C8orf82: variants seen among roughly 807,000 people sequenced by gnomAD.
C8orf82 encodes UPF0598 protein C8orf82.
In C8orf82, 24 loss-of-function variants were observed where a neutral mutation model predicts 15.0. That is an observed-to-expected ratio of 1.60 (90% CI 1.16 to 2.24). C8orf82 has a LOEUF of 2.24. Among genes scored for constraint, C8orf82 ranks in the 30% most tolerant of loss-of-function variants. The pLI is 0.00. For missense variants in C8orf82, 388 were observed against 317.4 expected (o/e 1.22, Z -1.69); for synonymous variants, 205 against 152.2 (o/e 1.35, Z -2.55).
In C8orf82 at chr8:144,526,183, T is replaced by C. The variant is rs942917439; in HGVS notation, c.*1159A>G. On this transcript the variant is annotated 3_prime_UTR_variant, in exon 3 of 3. Transcript: ENST00000524821. The stretch of plus-strand genomic sequence containing the variant: ...GGTGTTTAAATCTTGCCCTAAATTG[T>C]AACTCACATGATTATTTAAAGTCAC... The C allele has an allele frequency of 4.6e-5, 7 of 152,248 alleles. No homozygotes were observed. The highest frequency in any genetic ancestry group is 1.3e-4 in the Admixed American group (2 of 15,284). The allele number at this position is 152,248 out of a possible 1,614,324, so 9.4% of individuals were successfully genotyped here.
In C8orf82 at chr8:144,526,137, G is replaced by C. The variant is rs1332841970; in HGVS notation, c.*1205C>G. 1 of 152,194 alleles carries C rather than the reference G, an allele frequency of 6.6e-6. No individual in the cohort carries two copies. Among genetic ancestry groups the C allele is most frequent in the Non-Finnish European group, 1.5e-5 (1 of 68,040 alleles). The allele number at this position is 152,194 out of a possible 1,614,324, so 9.4% of individuals were successfully genotyped here. A position where few individuals can be genotyped will look rare whatever the true frequency, so the allele number is the denominator to read the frequency against. ...TTCCTCCTTTCGAGTCATGTGGAAA[G>C]GGACAGGACCAAGTGGCCTTGGTGT... On this transcript the variant is annotated 3_prime_UTR_variant, in exon 3 of 3. Transcript: ENST00000524821.
At chr8:144,528,521 T>A (rs1028842701) in intron 1 of C8orf82, 1 of 1,396,590 alleles carries the variant, frequency 7.2e-7, no homozygotes, top group Non-Finnish European at 9.4e-7. Flanking sequence ...ACGCGGCCCA[T>A]GTAGGAGCCT....
At position 144,527,151 on chromosome 8, in the gene C8orf82, C is replaced by A; in HGVS notation, c.*191G>T. ...AGTCGGGTGCGCGGGGGGCGCGCGC[C>A]GTGGGGAGCGGGGTGTCCGGGAGGG... On this transcript the variant is annotated 3_prime_UTR_variant, in exon 3 of 3. Coordinates refer to ENST00000524821, the MANE Select transcript of C8orf82 (RefSeq NM_001001795.2). The A allele has an allele frequency of 7.6e-6, 2 of 261,948 alleles. No homozygotes were observed. The highest frequency in any genetic ancestry group is 6.6e-6 in the Non-Finnish European group (1 of 152,062). 16.2% of individuals were successfully genotyped at this position (261,948 alleles called of 1,614,324 possible).
At chr8:144,528,416 A>T in intron 1 of C8orf82, 1 of 1,489,296 alleles carries the variant, frequency 6.7e-7, no homozygotes, top group Non-Finnish European at 9.0e-7. Context: ...AAAAAAAGGC[A>T]GGGCGGCCCG....
Position 144,529,011 on chromosome 8 carries a change from GGC to G in C8orf82, c.-97_-96del, listed in dbSNP as rs1436006051. ...GCAGTAGCCCCGCGCTTCGCGTTCC[GGC>G]GGCGCCCGCCTCCGCGACCCGGGCC... On this transcript the variant is annotated 5_prime_UTR_variant, in exon 1 of 3. Coordinates refer to ENST00000524821, the MANE Select transcript of C8orf82 (RefSeq NM_001001795.2). 2 of 1,279,986 alleles carry G rather than the reference GGC, an allele frequency of 1.6e-6. No homozygotes were observed. Among genetic ancestry groups the G allele is most frequent in the African/African-American group, 3.2e-5 (2 of 63,300 alleles). The allele number at this position is 1,279,986 out of a possible 1,614,324, so 79.3% of individuals were successfully genotyped here. A position where few individuals can be genotyped will look rare whatever the true frequency, so the allele number is the denominator to read the frequency against.
At chr8:144,527,911 A>T in intron 2 of C8orf82, 113 bp downstream of exon 2, 1 of 1,499,946 alleles carries the variant, frequency 6.7e-7, no homozygotes, top group South Asian at 1.1e-5. Flanking sequence ...GGGGCTCCTG[A>T]GCGCAGGACG....
chr8:144,528,722 C>T (rs1231213948), intron 1 of C8orf82, 39 bp downstream of exon 1: 6 of 1,057,342 alleles, frequency 5.7e-6, no homozygotes, highest in Admixed American at 4.7e-5. Flanking sequence ...AGACCTCTCC[C>T]GGCCCCGCCT....
Position 144,525,764 on chromosome 8 carries a change from C to T in C8orf82, c.*1578G>A, listed in dbSNP as rs879038398. Reference sequence around the variant, plus strand: ...CCATGCCGGTCCCCAGAAAGGTGTCCTGTCTTTGGGGATAGATGGGGCCCT... The same window carrying T: ...CCATGCCGGTCCCCAGAAAGGTGTCTTGTCTTTGGGGATAGATGGGGCCCT... On this transcript the variant is annotated 3_prime_UTR_variant, in exon 3 of 3. Coordinates refer to ENST00000524821, the MANE Select transcript of C8orf82 (RefSeq NM_001001795.2). 6.6e-6 allele frequency: 1 copy of T among 152,114 alleles called. No homozygotes were observed. The highest frequency in any genetic ancestry group is 2.1e-4 in the South Asian group (1 of 4,826). 9.4% of individuals were successfully genotyped at this position (152,114 alleles called of 1,614,324 possible).
Position 144,525,941 on chromosome 8 carries a change from G to T in C8orf82, c.*1401C>A, listed in dbSNP as rs556162094. On this transcript the variant is annotated 3_prime_UTR_variant, in exon 3 of 3. Transcript: ENST00000524821. The stretch of plus-strand genomic sequence containing the variant: ...ACCATATACATGTACTTGTCGTAAA[G>T]AAATGGGAAGGCTGGGGTCTGGTTT... 1 of 152,320 alleles carries T rather than the reference G, an allele frequency of 6.6e-6. No individual in the cohort carries two copies. Among genetic ancestry groups the T allele is most frequent in the African/African-American group, 2.4e-5 (1 of 41,564 alleles). The allele number at this position is 152,320 out of a possible 1,614,324, so 9.4% of individuals were successfully genotyped here. A position where few individuals can be genotyped will look rare whatever the true frequency, so the allele number is the denominator to read the frequency against.
rs1586858900 is a variant in C8orf82 at position 144,526,725 on chromosome 8, CCCTTGCGCA to C, written c.*608_*616del. Reference sequence around the variant, plus strand: ...GAGGCCCAAGCTGGTCTTTGGGCGGCCCTTGCGCACCTCTGCAGCGCTGCGACCTGGTGC... The same window carrying C: ...GAGGCCCAAGCTGGTCTTTGGGCGGCCCTCTGCAGCGCTGCGACCTGGTGC... On this transcript the variant is annotated 3_prime_UTR_variant, in exon 3 of 3. Coordinates refer to ENST00000524821, the MANE Select transcript of C8orf82 (RefSeq NM_001001795.2). 2 of 152,290 alleles carry C rather than the reference CCCTTGCGCA, an allele frequency of 1.3e-5. No individual in the cohort carries two copies. Among genetic ancestry groups the C allele is most frequent in the African/African-American group, 4.8e-5 (2 of 41,462 alleles). 9.4% of individuals were successfully genotyped at this position (152,290 alleles called of 1,614,324 possible).
chr8:144,527,332 T>G lies in C8orf82; in HGVS notation c.*10A>C. On this transcript the variant is annotated 3_prime_UTR_variant, in exon 3 of 3. Transcript: ENST00000524821. The stretch of plus-strand genomic sequence containing the variant: ...GCGCCCGCGGCCTCCCGCCTTTCCC[T>G]TGGCCCCGCTCAGGGCGACCGAGCC... 2 of 1,171,348 alleles carry G rather than the reference T, an allele frequency of 1.7e-6. No homozygotes were observed. Among genetic ancestry groups the G allele is most frequent in the South Asian group, 7.0e-5 (2 of 28,754 alleles). The allele number at this position is 1,171,348 out of a possible 1,614,324, so 72.6% of individuals were successfully genotyped here.
At chr8:144,528,538 G>T (rs1015294766) in intron 1 of C8orf82, 1 of 1,358,124 alleles carries the variant, frequency 7.4e-7, no homozygotes, top group East Asian at 2.8e-5. Context: ...GCCTCGGCCC[G>T]GACCGACCCA....
At chr8:144,528,324 T>C in intron 1 of C8orf82, 1 of 1,507,902 alleles carries the variant, frequency 6.6e-7, no homozygotes, top group African/African-American at 1.4e-5. Flanking sequence ...TTCAAGTTTG[T>C]AATCAGTTGT....
rs1446539779 is a variant in C8orf82, at chr8:144,526,979, C to G, written c.*363G>C. ...CCTCACCTGACGCTCCCGCGGCGAG[C>G]GGCTCCCCCGCCGTGCAGGTGGCGG... is the stretch of plus-strand genomic sequence containing the variant. On this transcript the variant is annotated 3_prime_UTR_variant, in exon 3 of 3. Coordinates refer to ENST00000524821, the MANE Select transcript of C8orf82 (RefSeq NM_001001795.2). 6.5e-6 allele frequency: 1 copy of G among 152,774 alleles called. No individual in the cohort carries two copies. The highest frequency in any genetic ancestry group is 1.5e-5 in the Non-Finnish European group (1 of 68,468). The allele number at this position is 152,774 out of a possible 1,614,324, so 9.5% of individuals were successfully genotyped here.
At chr8:144,528,465 C>T in intron 1 of C8orf82, 2 of 1,473,266 alleles carry the variant, frequency 1.4e-6, no homozygotes, top group Non-Finnish European at 1.8e-6. Flanking sequence ...AGCGCCGGGG[C>T]TGGGGACTTG....
chr8:144,528,616 C>CGGGGGGGGGGGGGGGGGGGGG, intron 1 of C8orf82, 145 bp downstream of exon 1: 28 of 295,994 alleles, frequency 9.5e-5, no homozygotes, highest in Non-Finnish European at 1.3e-4. Context: ...GCGCAGGCCC[C>CGGGGGGGGGGGGGGGGGGGGG]GCCCACCCAC....
rs1276015057 is a variant in C8orf82, at chr8:144,527,660, C to T, written c.333G>A (p.Pro111=). 4 of 1,552,722 alleles carry T rather than the reference C, an allele frequency of 2.6e-6. No homozygotes were observed. Among genetic ancestry groups the T allele is most frequent in the Non-Finnish European group, 2.6e-6 (3 of 1,156,774 alleles). Residue 111 remains proline (P), a synonymous_variant, in exon 3 of 3, where the codon CCG becomes CCA. Coordinates refer to ENST00000524821, the MANE Select transcript of C8orf82 (RefSeq NM_001001795.2). ...CGGTCAGCAGGTGCGTGAAGACCAC[C>T]GGCCGGTCCTCGCAGCGCAGGAAGT... ...ERNFLRCEDR[P]VVFTHLLTAD...
intron 1 of C8orf82, chr8:144,528,382 C>A (rs1362749030): frequency 6.7e-7 from 1 of 1,498,452 alleles, no homozygotes; most frequent in Admixed American, 2.0e-5. Context: ...CCCGGACATG[C>A]AGCTGCCTTT....
Position 144,526,352 on chromosome 8 carries a change from TAA to T in C8orf82, c.*988_*989del, listed in dbSNP as rs1816359367. The T allele has an allele frequency of 6.6e-6, 1 of 152,204 alleles. No homozygotes were observed. The highest frequency in any genetic ancestry group is 1.5e-5 in the Non-Finnish European group (1 of 68,054). 9.4% of individuals were successfully genotyped at this position (152,204 alleles called of 1,614,324 possible). A position where few individuals can be genotyped will look rare whatever the true frequency, so the allele number is the denominator to read the frequency against. On this transcript the variant is annotated 3_prime_UTR_variant, in exon 3 of 3. Transcript: ENST00000524821. ...CCCTTGGGATCCATTCCCCTGGGTA[TAA>T]AGTGTTGGTACGTGGCTCCAGGCCT...
Sources: gnomAD v4.1 joint callset for allele counts on GRCh38, gnomAD v4.1.1 for gene constraint, MANE v1.5 for transcripts, NCBI Gene and HGNC (gene_info 2026-07-23, HGNC 2026-07-21) for gene names.